KCTD19: variants seen among roughly 807,000 people sequenced by gnomAD.
KCTD19 encodes the protein potassium channel tetramerization domain containing 19.
In KCTD19, 67 loss-of-function variants were observed where a neutral mutation model predicts 103.5. That is an observed-to-expected ratio of 0.65 (90% confidence interval 0.53 to 0.79). KCTD19 has a LOEUF of 0.79. Among genes scored for constraint, KCTD19 ranks in the 30% least tolerant of loss-of-function variants. The pLI is 0.00. For synonymous variants in KCTD19, 439 were observed against 452.2 expected (o/e 0.97, Z 0.37); for missense variants, 980 against 1,136.1 (o/e 0.86, Z 1.98).
In KCTD19 at chr16:67,294,896, T is replaced by C. The variant is rs1264175075; in HGVS notation, c.1475+77A>G. 1.3e-5 allele frequency: 16 copies of C among 1,206,482 alleles called. No homozygotes were observed. In the East Asian group the frequency reaches 2.1e-4, roughly 16 times the overall value. 74.7% of individuals were successfully genotyped at this position (1,206,482 alleles called of 1,614,324 possible). A position where few individuals can be genotyped will look rare whatever the true frequency, so the allele number is the denominator to read the frequency against. On this transcript the variant is annotated intron_variant, in intron 10 of 15. Transcript: ENST00000304372. Reference sequence around the variant, plus strand: ...CAAGGAGATCAGGATCCTCTAGGAGTAGGACTTAGGACAGGATTTCAAGAG... The same window carrying C: ...CAAGGAGATCAGGATCCTCTAGGAGCAGGACTTAGGACAGGATTTCAAGAG...
chr16:67,321,045 GC>G (rs2037067941), intron 1 of KCTD19, among the ~76,000 whole-genome samples, 160 bp from the exon 2 acceptor site: 1 of 152,170 alleles, frequency 6.6e-6, no homozygotes, highest in Admixed American at 6.5e-5. Flanking sequence ...ATAAGTCCAG[GC>G]CAGGCATGGT....
In KCTD19 at chr16:67,291,773, G is replaced by A. The variant is rs749967555; in HGVS notation, c.2283C>T (p.Leu761=). 9 of 1,614,152 alleles carry A rather than the reference G, an allele frequency of 5.6e-6. No homozygotes were observed. The South Asian group carries it at 7.7e-5, about 14-fold the overall frequency. Residue 761 remains leucine (L), a synonymous_variant, in exon 13 of 16, where the codon CTC becomes CTT. Coordinates refer to ENST00000304372, the MANE Select transcript of KCTD19 (RefSeq NM_001100915.3). ...ASEVDSLGVI[L]KVTHPPVVGS... is the part of the protein sequence containing the mutation. The stretch of plus-strand genomic sequence containing the variant: ...CCACCACGGGGGGGTGAGTCACTTT[G>A]AGGATAACCCCTAGGCTGTCCACCT...
Position 67,294,000 on chromosome 16 carries a change from A to G in KCTD19, c.1762T>C (p.Tyr588His), listed in dbSNP as rs572156950. Residue 588 changes from tyrosine (Y) to histidine (H), a missense_variant, in exon 12 of 16, where the codon TAC becomes CAC. Transcript: ENST00000304372. The surrounding 1 kb of genome is among the most constrained non-coding windows in gnomAD (Gnocchi z 4.0). ...GTACACAAGCCACGGCAGTGTGAGT[A>G]TGTGCTAGGGTTGCCAGCCCTCTTG... is the stretch of plus-strand genomic sequence containing the variant. ...NAKRAGNPST[Y>H]SHCRGLCTNP... The G allele has an allele frequency of 7.4e-6, 12 of 1,614,084 alleles. No individual in the cohort carries two copies. The Middle Eastern group carries it at 4.9e-4, about 67-fold the overall frequency.
rs1158128198 is a variant in KCTD19, at chr16:67,294,017, G to C, written c.1745C>G (p.Ala582Gly). The change falls in exon 12 of 16, where the codon GCT becomes GGT. Residue 582 changes from alanine to glycine, a missense_variant. Transcript: ENST00000304372. The part of the protein sequence containing the change: ...QVSLCRNAKR[A>G]GNPSTYSHCR... Reference sequence around the variant, plus strand: ...GTGTGAGTATGTGCTAGGGTTGCCAGCCCTCTTGGCATTTCGGCATAGGGA... The same window carrying C: ...GTGTGAGTATGTGCTAGGGTTGCCACCCCTCTTGGCATTTCGGCATAGGGA... 1 of 1,614,072 alleles carries C rather than the reference G, an allele frequency of 6.2e-7. No homozygotes were observed.
intron 14 of KCTD19, 67 bp downstream of exon 14, chr16:67,291,242 T>C (rs1352662181): frequency 1.3e-6 from 2 of 1,541,126 alleles, no homozygotes; most frequent in African/African-American, 1.4e-5. Context: ...GCACCACTTA[T>C]TGTGGGGCAG....
chr16:67,294,864 T>C (rs1266071995), intron 10 of KCTD19, 109 bp downstream of exon 10: 8 of 1,051,550 alleles, frequency 7.6e-6, no homozygotes, highest in Admixed American at 1.9e-5. Context: ...CTTCACTCCC[T>C]CAACCCCAAG....
chr16:67,303,115 C>T lies in KCTD19; in HGVS notation c.643+31G>A, dbSNP rs768407149. The T allele has an allele frequency of 4.0e-5, 17 of 427,870 alleles. No homozygotes were observed. The highest frequency in any genetic ancestry group is 6.4e-5 in the Non-Finnish European group (14 of 219,770). The allele number at this position is 427,870 out of a possible 1,614,324, so 26.5% of individuals were successfully genotyped here. A position where few individuals can be genotyped will look rare whatever the true frequency, so the allele number is the denominator to read the frequency against. On this transcript the variant is annotated intron_variant, in intron 4 of 15. Coordinates refer to ENST00000304372, the MANE Select transcript of KCTD19 (RefSeq NM_001100915.3). This position sits in a 1 kb window ranked among gnomAD's most constrained non-coding sequence, Gnocchi z 4.3. ...GGGGTGAATGGGCCCTATCAGCCCG[C>T]CCCCCACCCCACCCCGGACAGAGCA...
intron 1 of KCTD19, among the ~76,000 whole-genome samples, chr16:67,324,878 A>G (rs941882286): frequency 6.6e-6 from 1 of 152,276 alleles, no homozygotes; most frequent in Non-Finnish European, 1.5e-5. Context: ...TGACAGAAGC[A>G]GAGCCAGAAA....
rs1296700055 is a variant in KCTD19 at position 67,301,850 on chromosome 16, A to C, written c.716T>G (p.Val239Gly). The C allele has an allele frequency of 6.2e-7, 1 of 1,613,494 alleles. No homozygotes were observed. Among genetic ancestry groups the C allele is most frequent in the African/African-American group, 1.3e-5 (1 of 75,002 alleles). ...FSNIDVLEAEVEILEIPALTE... is the reference protein window; with the variant it reads ...FSNIDVLEAEGEILEIPALTE... ...GAGTGCAGGGATTTCCAGAATTTCCACTTCTGCTTCTAATACATCAATGTT... is the reference window on the plus strand; with the variant it reads ...GAGTGCAGGGATTTCCAGAATTTCCCCTTCTGCTTCTAATACATCAATGTT... Residue 239 changes from valine (V) to glycine (G), a missense_variant, in exon 5 of 16, where the codon GTG becomes GGG. By Grantham distance (109) the Val-to-Gly change is moderately radical (BLOSUM62 -3). Transcript: ENST00000304372.
chr16:67,309,437 G>C (rs1032163971), intron 2 of KCTD19, among the ~76,000 whole-genome samples: 2 of 152,154 alleles, frequency 1.3e-5, no homozygotes, highest in African/African-American at 4.8e-5. Flanking sequence ...TGAAGGAGAG[G>C]GAGAGAGGAT....
At position 67,303,114 on chromosome 16, in the gene KCTD19, G is replaced by GGCCCC; in HGVS notation, c.643+31_643+32insGGGGC. On this transcript the variant is annotated intron_variant, in intron 4 of 15. Transcript: ENST00000304372. The surrounding 1 kb of genome is among the most constrained non-coding windows in gnomAD (Gnocchi z 4.3). ...AGGGGTGAATGGGCCCTATCAGCCC[G>GGCCCC]CCCCCCACCCCACCCCGGACAGAGC... 9.1e-7 allele frequency: 1 copy of GGCCCC among 1,097,064 alleles called. No homozygotes were observed. The highest frequency in any genetic ancestry group is 1.3e-6 in the Non-Finnish European group (1 of 782,070). The allele number at this position is 1,097,064 out of a possible 1,614,324, so 68.0% of individuals were successfully genotyped here.
intron 2 of KCTD19, among the ~76,000 whole-genome samples, chr16:67,305,833 G>A (rs2036886625): frequency 6.6e-6 from 1 of 152,198 alleles, no homozygotes; most frequent in Admixed American, 6.5e-5. Context: ...TGAAGCCCTT[G>A]TGACGTTGCT....
chr16:67,293,479 C>A lies in KCTD19; in HGVS notation c.2218+65G>T. 4 of 1,552,686 alleles carry A rather than the reference C, an allele frequency of 2.6e-6. No individual in the cohort carries two copies. Among genetic ancestry groups the A allele is most frequent in the Non-Finnish European group, 3.5e-6 (4 of 1,144,508 alleles). ...CTTTGTCACTAACTTGCTCTGCCAT[C>A]TTGGCCAAAGAGTTTGCCTTCTCTG... On this transcript the variant is annotated intron_variant, in intron 12 of 15. Coordinates refer to ENST00000304372, the MANE Select transcript of KCTD19 (RefSeq NM_001100915.3). This position sits in a 1 kb window ranked among gnomAD's most constrained non-coding sequence, Gnocchi z 4.0.
chr16:67,325,207 C>CTT (rs10695930), intron 1 of KCTD19, among the ~76,000 whole-genome samples: 2,069 of 113,104 alleles, frequency 0.018, 45 homozygotes, highest in Middle Eastern at 0.032. Context: ...TTCTTTTTTT[C>CTT]TTTTTTTTTT....
intron 3 of KCTD19, among the ~76,000 whole-genome samples, chr16:67,304,195 C>T (rs1431153361): frequency 6.6e-6 from 1 of 152,144 alleles, no homozygotes; most frequent in Non-Finnish European, 1.5e-5. Flanking sequence ...TCGCCTTGCC[C>T]ACATGAAGCC....
Position 67,303,107 on chromosome 16 carries a change from T to TCTGGGGGG in KCTD19, c.643+38_643+39insCCCCCCAG. 2 of 897,596 alleles carry TCTGGGGGG rather than the reference T, an allele frequency of 2.2e-6. No homozygotes were observed. Among genetic ancestry groups the TCTGGGGGG allele is most frequent in the Admixed American group, 2.2e-5 (1 of 44,886 alleles). 55.6% of individuals were successfully genotyped at this position (897,596 alleles called of 1,614,324 possible). Reference sequence around the variant, plus strand: ...GATGGGGAGGGGTGAATGGGCCCTATCAGCCCGCCCCCCACCCCACCCCGG... The same window carrying TCTGGGGGG: ...GATGGGGAGGGGTGAATGGGCCCTATCTGGGGGGCAGCCCGCCCCCCACCCCACCCCGG... On this transcript the variant is annotated intron_variant, in intron 4 of 15. Coordinates refer to ENST00000304372, the MANE Select transcript of KCTD19 (RefSeq NM_001100915.3). The surrounding 1 kb of genome is among the most constrained non-coding windows in gnomAD (Gnocchi z 4.3).
intron 6 of KCTD19, among the ~76,000 whole-genome samples, chr16:67,298,006 T>A (rs1272770535): frequency 1.4e-5 from 2 of 146,764 alleles, no homozygotes; most frequent in Non-Finnish European, 3.0e-5. Context: ...TTTTTTTTCT[T>A]TTTTTGAGAC....
At chr16:67,316,405 G>A (rs1464134610) in intron 2 of KCTD19, among the ~76,000 whole-genome samples, 5 of 151,956 alleles carry the variant, frequency 3.3e-5, no homozygotes, top group Non-Finnish European at 7.4e-5. Context: ...TACCCTTCTT[G>A]CCACATACTA....
chr16:67,294,044 A>G lies in KCTD19; in HGVS notation c.1718T>C (p.Val573Ala). ...EAEQYTRPIQ[V>A]SLCRNAKRAG... ...CCTCTTGGCATTTCGGCATAGGGAC[A>G]CCTGGATGGGCCGAGTGTACTGCTC... The change falls in exon 12 of 16, where the codon GTG becomes GCG. Residue 573 changes from valine to alanine, a missense_variant. Physicochemically the swap from Val to Ala is moderately conservative, Grantham distance 64. Transcript: ENST00000304372. 6.2e-7 allele frequency: 1 copy of G among 1,614,160 alleles called. No homozygotes were observed. Among genetic ancestry groups the G allele is most frequent in the South Asian group, 1.1e-5 (1 of 91,066 alleles).
Sources: gnomAD v4.1 joint callset for allele counts (sites outside exome capture counted in the v4.1 genomes callset) on GRCh38, gnomAD v4.1.1 for gene constraint, Gnocchi (gnomAD v3.1) non-coding constraint, MANE v1.5 for transcripts, NCBI Gene and HGNC (gene_info 2026-07-23, HGNC 2026-07-21) for gene names.